The following CYP20A1 variants were observed in gnomAD, a reference collection of about 807,000 sequenced individuals.
CYP20A1 encodes cytochrome P450 20A1.
In CYP20A1, 61 loss-of-function variants were observed where a neutral mutation model predicts 61.4. The ratio of observed to expected loss-of-function variants is 0.99; its 90% confidence interval spans 0.81 to 1.23. The LOEUF (loss-of-function observed/expected upper bound fraction) is 1.23. Among genes scored for constraint, CYP20A1 ranks in the 50% most tolerant of loss-of-function variants. The pLI, the probability that CYP20A1 is intolerant of heterozygous loss-of-function variation, is 0.00. For missense variants in CYP20A1, 530 were observed against 542.4 expected (o/e 0.98, Z 0.23); for synonymous variants, 193 against 188.2 (o/e 1.03, Z -0.21).
intron 11 of CYP20A1, among the ~76,000 whole-genome samples, chr2:203,293,741 A>G (rs1216370005): frequency 6.6e-6 from 1 of 151,830 alleles, no homozygotes; most frequent in African/African-American, 2.4e-5. Flanking sequence ...AGTCCATTGT[A>G]TCATTCTTAT....
At chr2:203,250,639 GT>G (rs76060512) in intron 3 of CYP20A1, among the ~76,000 whole-genome samples, 1 of 152,224 alleles carries the variant, frequency 6.6e-6, no homozygotes. Flanking sequence ...CTAGGCTAAT[GT>G]TGGAGAGTGA....
intron 8 of CYP20A1, among the ~76,000 whole-genome samples, chr2:203,281,499 A>T (rs1203031962): frequency 6.6e-6 from 1 of 152,006 alleles, no homozygotes; most frequent in Non-Finnish European, 1.5e-5. Flanking sequence ...ACAGAGTGAG[A>T]CCCTGTCAAA....
At chr2:203,296,624 G>T (rs1684970498) in intron 12 of CYP20A1, 61 bp downstream of exon 12, 11 of 1,434,652 alleles carry the variant, frequency 7.7e-6, no homozygotes, top group African/African-American at 2.9e-5. Context: ...TGATGAGAAT[G>T]GGCAATCTGT....
At chr2:203,246,028 G>C in intron 2 of CYP20A1, 133 bp downstream of exon 2, 1 of 597,966 alleles carries the variant, frequency 1.7e-6, no homozygotes, top group Non-Finnish European at 2.9e-6. Context: ...ATCGCTTGAG[G>C]CCAGGAGTTT....
At chr2:203,248,441 G>T (rs558102783) in intron 3 of CYP20A1, among the ~76,000 whole-genome samples, 72 of 151,946 alleles carry the variant, frequency 4.7e-4, no homozygotes, top group African/African-American at 1.7e-3. Flanking sequence ...GACTGAGGCA[G>T]GATAATCTCT....
intron 11 of CYP20A1, among the ~76,000 whole-genome samples, chr2:203,294,705 G>C (rs1215639454): frequency 6.6e-6 from 1 of 151,154 alleles, no homozygotes; most frequent in Non-Finnish European, 1.5e-5. Context: ...TGCAATCTTG[G>C]CTCACTGCAA....
chr2:203,277,506 A>ATATT (rs905614374), intron 6 of CYP20A1, among the ~76,000 whole-genome samples: 4 of 151,830 alleles, frequency 2.6e-5, no homozygotes, highest in Non-Finnish European at 5.9e-5. Context: ...TTTATTTTAT[A>ATATT]TATTTATTTA....
At chr2:203,240,499 A>G (rs1487175447) in intron 1 of CYP20A1, among the ~76,000 whole-genome samples, 1 of 152,242 alleles carries the variant, frequency 6.6e-6, no homozygotes, top group Non-Finnish European at 1.5e-5. Flanking sequence ...GGGAACAGAC[A>G]ATAGAAACAA....
At chr2:203,271,078 ATATATTTTTTT>A (rs2067569264) in intron 5 of CYP20A1, among the ~76,000 whole-genome samples, 1 of 48,792 alleles carries the variant, frequency 2.0e-5, no homozygotes, top group Admixed American at 3.2e-4. Flanking sequence ...ATATATATAT[ATATATTTTTTT>A]TTTTTTTTTT....
At chr2:203,240,826 TG>T (rs1238839470) in intron 1 of CYP20A1, among the ~76,000 whole-genome samples, 2 of 152,238 alleles carry the variant, frequency 1.3e-5, no homozygotes, top group Non-Finnish European at 2.9e-5. Flanking sequence ...GCTTTTTTAA[TG>T]GACTTTTGCT....
chr2:203,281,058 T>C (rs992221876), intron 8 of CYP20A1, among the ~76,000 whole-genome samples: 2 of 152,214 alleles, frequency 1.3e-5, no homozygotes, highest in Middle Eastern at 3.2e-3. Context: ...TCGTTGGAAT[T>C]GAAGGTGATT....
rs554123801 is a variant in CYP20A1, at chr2:203,254,424, A to C, written c.432+2315A>C. Among the ~76,000 whole-genome samples the C allele has an allele frequency of 6.6e-5, 10 of 152,200 alleles. 1 individual carries two copies. The South Asian group carries it at 2.1e-3, about 32-fold the overall frequency. On this transcript the variant is annotated intron_variant, in intron 4 of 12. Coordinates refer to ENST00000356079, the MANE Select transcript of CYP20A1 (RefSeq NM_177538.3). ...GCTGCGTGTGGTAGCACATGCCTGT[A>C]GTCCTAGCTACTCGGGAGGCTGAGG... is the stretch of plus-strand genomic sequence containing the variant.
chr2:203,267,540 CAAAA>C (rs78337058), intron 5 of CYP20A1, among the ~76,000 whole-genome samples: 4 of 82,450 alleles, frequency 4.9e-5, no homozygotes, highest in African/African-American at 1.4e-4. Context: ...TGTCTCACTC[CAAAA>C]AAAAAAAAGA....
chr2:203,290,310 A>G (rs2068479904), intron 10 of CYP20A1, among the ~76,000 whole-genome samples: 1 of 152,202 alleles, frequency 6.6e-6, no homozygotes, highest in Non-Finnish European at 1.5e-5. Context: ...AGACACAATT[A>G]TTTTAGTTAC....
At chr2:203,270,772 C>T (rs1439383850) in intron 5 of CYP20A1, among the ~76,000 whole-genome samples, 16 of 140,800 alleles carry the variant, frequency 1.1e-4, no homozygotes, top group Non-Finnish European at 3.0e-5. Context: ...GCCTCAGTCT[C>T]AGCTCACTGC....
In CYP20A1 at chr2:203,289,750, A is replaced by T. The variant is rs928399939; in HGVS notation, c.972-15A>T. The T allele has an allele frequency of 4.8e-5, 72 of 1,507,130 alleles. No homozygotes were observed. The highest frequency in any genetic ancestry group is 3.5e-4 in the Middle Eastern group (2 of 5,724). 93.4% of individuals were successfully genotyped at this position (1,507,130 alleles called of 1,614,324 possible). On this transcript the variant is annotated splice_polypyrimidine_tract_variant and intron_variant, in intron 9 of 12. Transcript: ENST00000356079. Reference sequence around the variant, plus strand: ...CCCAAAATAAACATCTTCAAAAAAAATTTTTTTAAAACAGATATTGTCAGC... The same window carrying T: ...CCCAAAATAAACATCTTCAAAAAAATTTTTTTTAAAACAGATATTGTCAGC...
intron 4 of CYP20A1, chr2:203,259,899 C>A (rs1330478629): frequency 6.6e-6 from 1 of 150,482 alleles, no homozygotes; most frequent in African/African-American, 2.4e-5. Context: ...CCCACCTCAG[C>A]CTCCCAAAGT....
Position 203,302,214 on chromosome 2 carries a change from A to G in CYP20A1, c.*5306A>G, listed in dbSNP as rs1575296923. ...AGTGCTGGGATTACAGGCATGGGGC[A>G]CCATGCCCAGCCCCACTGTTAAGAT... On this transcript the variant is annotated 3_prime_UTR_variant, in exon 13 of 13. Coordinates refer to ENST00000356079, the MANE Select transcript of CYP20A1 (RefSeq NM_177538.3). Among the ~76,000 whole-genome samples, 1 of 152,122 alleles carries G rather than the reference A, an allele frequency of 6.6e-6. No homozygotes were observed. The highest frequency in any genetic ancestry group is 2.4e-5 in the African/African-American group (1 of 41,440).
intron 3 of CYP20A1, among the ~76,000 whole-genome samples, chr2:203,249,026 A>G (rs2066563457): frequency 6.6e-6 from 1 of 152,148 alleles, no homozygotes; most frequent in African/African-American, 2.4e-5. Context: ...CTTATTTCTT[A>G]TATAAAAATA....
Sources: gnomAD v4.1 joint callset for allele counts (sites outside exome capture counted in the v4.1 genomes callset) on GRCh38, gnomAD v4.1.1 for gene constraint, MANE v1.5 for transcripts, NCBI Gene and HGNC (gene_info 2026-07-23, HGNC 2026-07-21) for gene names.